Variants in CECR2 observed in about 807,000 individuals in gnomAD.
CECR2 encodes chromatin remodeling regulator CECR2.
In CECR2, 30 loss-of-function variants were observed where a neutral mutation model predicts 154.5. That is an observed-to-expected ratio of 0.19 (90% CI 0.15 to 0.26). CECR2 has a LOEUF of 0.26. CECR2 is among the 10% of genes least tolerant of loss of function. The pLI is 1.00. For missense variants in CECR2, 1,743 were observed against 1,829.3 expected (o/e 0.95, Z 0.86); for synonymous variants, 725 against 683.7 (o/e 1.06, Z -0.94).
At chr22:17,381,089 G>A (rs1426824860) in intron 1 of CECR2, among the ~76,000 whole-genome samples, 1 of 127,184 alleles carries the variant, frequency 7.9e-6, no homozygotes. Flanking sequence ...GAACATTGTT[G>A]TACACGGGGG....
At chr22:17,388,217 G>A (rs1601264890) in intron 1 of CECR2, among the ~76,000 whole-genome samples, 1 of 152,252 alleles carries the variant, frequency 6.6e-6, no homozygotes, top group South Asian at 2.1e-4. Context: ...GCCTCCCAAC[G>A]TGCTGGGATT....
At chr22:17,363,262 G>C (rs1337455915) in intron 1 of CECR2, among the ~76,000 whole-genome samples, 2 of 151,576 alleles carry the variant, frequency 1.3e-5, no homozygotes, top group African/African-American at 4.8e-5. Context: ...AGGCTGGAGT[G>C]CAGTGGCGCG....
At chr22:17,393,007 T>C (rs1421547933) in intron 1 of CECR2, among the ~76,000 whole-genome samples, 1 of 152,240 alleles carries the variant, frequency 6.6e-6, no homozygotes, top group Non-Finnish European at 1.5e-5. Flanking sequence ...GCCACTGCAC[T>C]GCAGCCTGGG....
chr22:17,445,075 A>G (rs890851652), intron 1 of CECR2, among the ~76,000 whole-genome samples: 1 of 152,186 alleles, frequency 6.6e-6, no homozygotes, highest in Non-Finnish European at 1.5e-5. Flanking sequence ...ATGCTTTTGA[A>G]TACTATAGTA....
chr22:17,515,597 C>A (rs1187840490), intron 8 of CECR2, among the ~76,000 whole-genome samples: 1 of 152,106 alleles, frequency 6.6e-6, no homozygotes, highest in Non-Finnish European at 1.5e-5. Context: ...AATTCTGATA[C>A]CCAGATTTAA....
intron 1 of CECR2, chr22:17,419,853 A>G (rs2054218735): frequency 3.7e-6 from 1 of 270,194 alleles, no homozygotes; most frequent in Non-Finnish European, 7.5e-6. Context: ...CGAAAGAAAT[A>G]ATTGGCAAGA....
chr22:17,476,332 T>G (rs1399171458), intron 1 of CECR2, among the ~76,000 whole-genome samples: 1 of 152,018 alleles, frequency 6.6e-6, no homozygotes, highest in African/African-American at 2.4e-5. Flanking sequence ...TGGCACGATC[T>G]CATTTCACTG....
chr22:17,507,731 A>C (rs536645901), intron 7 of CECR2, among the ~76,000 whole-genome samples: 73 of 152,358 alleles, frequency 4.8e-4, no homozygotes, highest in African/African-American at 1.5e-3. Context: ...TACAATTTTC[A>C]AGAACCATGG....
intron 1 of CECR2, among the ~76,000 whole-genome samples, chr22:17,422,461 C>G (rs760491168): frequency 6.6e-6 from 1 of 152,176 alleles, no homozygotes; most frequent in Non-Finnish European, 1.5e-5. Context: ...CCTCAGCCTC[C>G]CAAAGTGCTG....
intron 1 of CECR2, among the ~76,000 whole-genome samples, chr22:17,420,321 G>A (rs542959806): frequency 6.6e-6 from 1 of 152,290 alleles, no homozygotes; most frequent in South Asian, 2.1e-4. Context: ...CTTGAACACG[G>A]ATTATCCCCA....
chr22:17,443,256 A>C (rs1012536639), intron 1 of CECR2, among the ~76,000 whole-genome samples: 45 of 152,200 alleles, frequency 3.0e-4, no homozygotes, highest in African/African-American at 1.0e-3. Context: ...TTTAAAGGTA[A>C]GTTTCCCGTT....
intron 7 of CECR2, among the ~76,000 whole-genome samples, chr22:17,508,099 C>G (rs2055879239): frequency 6.6e-6 from 1 of 152,164 alleles, no homozygotes; most frequent in South Asian, 2.1e-4. Context: ...AATAATGCCC[C>G]AAGTAACCAT....
chr22:17,483,631 A>T (rs916816018), intron 2 of CECR2, among the ~76,000 whole-genome samples: 2 of 152,230 alleles, frequency 1.3e-5, no homozygotes, highest in Non-Finnish European at 2.9e-5. Flanking sequence ...TATAGCTCTA[A>T]AAAGTGTTTT....
At chr22:17,394,458 G>T (rs1185485097) in intron 1 of CECR2, among the ~76,000 whole-genome samples, 2 of 151,792 alleles carry the variant, frequency 1.3e-5, no homozygotes, top group African/African-American at 4.8e-5. Flanking sequence ...ATGCTCCTGC[G>T]TAGGTTTTCT....
chr22:17,407,554 C>A (rs983005870), intron 1 of CECR2, among the ~76,000 whole-genome samples: 1 of 151,546 alleles, frequency 6.6e-6, no homozygotes, highest in East Asian at 1.9e-4. Flanking sequence ...GAGATCGCAT[C>A]ACTGCACACC....
chr22:17,534,555 TG>T (rs2056408215), intron 9 of CECR2, among the ~76,000 whole-genome samples: 1 of 151,668 alleles, frequency 6.6e-6, no homozygotes, highest in Admixed American at 6.6e-5. Context: ...TCGCCCAGGC[TG>T]GAGTGCAGTG....
At chr22:17,474,057 G>A (rs975488369) in intron 1 of CECR2, among the ~76,000 whole-genome samples, 6 of 152,116 alleles carry the variant, frequency 3.9e-5, no homozygotes, top group Non-Finnish European at 7.3e-5. Flanking sequence ...CTAACTGGGG[G>A]GGGTTTATAG....
Position 17,524,175 on chromosome 22 carries a change from C to T in CECR2, c.1012C>T (p.Arg338Cys), listed in dbSNP as rs1305703130. ...AAAGCGCAAAGAGGAGGAAGAAGAG[C>T]GTCAGATTCTTCTAGCAGTGCAGAA... The part of the protein sequence containing the change: ...KQKRKEEEEE[R>C]QILLAVQKKE... The change falls in exon 9 of 19, where the codon CGT (arginine) becomes TGT (cysteine). Residue 338 changes from arginine (R) to cysteine (C), a missense_variant. Around this residue, in one of 4 missense-constraint regions of CECR2, gnomAD observed 292 missense variants for 301.2 expected, o/e 0.97. Coordinates refer to ENST00000262608, the MANE Select transcript of CECR2 (RefSeq NM_001290047.2). 7.5e-6 allele frequency: 12 copies of T among 1,606,576 alleles called. No individual in the cohort carries two copies. In the Admixed American group the frequency reaches 8.5e-5, roughly 11 times the overall value.
chr22:17,549,784 G>GTTTTT (rs10653895), intron 17 of CECR2, among the ~76,000 whole-genome samples: 4 of 136,042 alleles, frequency 2.9e-5, no homozygotes, highest in African/African-American at 5.5e-5. Flanking sequence ...TAACTTTTTG[G>GTTTTT]TTTTTTTTTT....
Sources: gnomAD v4.1 joint callset for allele counts (sites outside exome capture counted in the v4.1 genomes callset) on GRCh38, gnomAD v4.1.1 for gene constraint, gnomAD v4.1.1 regional missense constraint, MANE v1.5 for transcripts, NCBI Gene and HGNC (gene_info 2026-07-23, HGNC 2026-07-21) for gene names.